Variants in ACSBG2 observed in about 807,000 individuals in gnomAD.
The protein encoded by ACSBG2 is long-chain-fatty-acid--CoA ligase ACSBG2.
In ACSBG2, 62 loss-of-function variants were observed where a neutral mutation model predicts 74.7. The ratio of observed to expected loss-of-function variants is 0.83; its 90% CI spans 0.68 to 1.03. ACSBG2 has a LOEUF of 1.03. ACSBG2 is among the 50% of genes least tolerant of loss of function. ACSBG2 has a pLI of 0.00. For synonymous variants in ACSBG2, 309 were observed against 294.1 expected (o/e 1.05, Z -0.52); for missense variants, 730 against 817.6 (o/e 0.89, Z 1.31).
intron 3 of ACSBG2, among the ~76,000 whole-genome samples, chr19:6,147,928 A>T (rs8112226): frequency 0.026 from 3,887 of 152,202 alleles, 162 homozygotes; most frequent in African/African-American, 0.086. Context: ...ATATATGCAA[A>T]TTTTTTACAC....
intron 3 of ACSBG2, among the ~76,000 whole-genome samples, chr19:6,148,071 T>C (rs962072902): frequency 6.6e-6 from 1 of 152,240 alleles, no homozygotes; most frequent in Admixed American, 6.5e-5. Flanking sequence ...CAAACATTTA[T>C]CATCTCACAG....
At chr19:6,166,385 T>C (rs967373234) in intron 7 of ACSBG2, among the ~76,000 whole-genome samples, 1 of 149,472 alleles carries the variant, frequency 6.7e-6, no homozygotes, top group African/African-American at 2.5e-5. Flanking sequence ...GGCGCAATCT[T>C]GGCTCACTGC....
chr19:6,186,555 GA>G (rs142228931), intron 11 of ACSBG2, among the ~76,000 whole-genome samples: 8 of 151,950 alleles, frequency 5.3e-5, no homozygotes, highest in Non-Finnish European at 1.0e-4. Context: ...TAGGTTTGAG[GA>G]AAAAAATAAA....
intron 5 of ACSBG2, 93 bp from the exon 6 acceptor site, chr19:6,161,122 G>A: frequency 2.1e-6 from 2 of 938,952 alleles, no homozygotes; most frequent in Non-Finnish European, 3.2e-6. Flanking sequence ...AGAGGCTAGA[G>A]TTGCTGGAGA....
intron 1 of ACSBG2, among the ~76,000 whole-genome samples, chr19:6,139,716 A>G (rs994757193): frequency 1.3e-5 from 2 of 152,164 alleles, no homozygotes; most frequent in Admixed American, 6.6e-5. Context: ...TTTGGCCTCC[A>G]CTTCCCCCAG....
chr19:6,166,298 GT>G (rs2089806348), intron 7 of ACSBG2, among the ~76,000 whole-genome samples: 1 of 148,038 alleles, frequency 6.8e-6, no homozygotes, highest in East Asian at 2.0e-4. Context: ...GTGTGTGTGT[GT>G]GTGTGTGTGT....
chr19:6,163,578 T>TA (rs1414013011), intron 6 of ACSBG2, among the ~76,000 whole-genome samples: 3 of 150,906 alleles, frequency 2.0e-5, no homozygotes, highest in African/African-American at 7.3e-5. Flanking sequence ...CCACCTCTAC[T>TA]AAAAATACAA....
rs957181679 is a variant in ACSBG2 at position 6,161,531 on chromosome 19, G to C, written c.588+236G>C. 1.1e-5 allele frequency: 5 copies of C among 446,604 alleles called. No homozygotes were observed. In the East Asian group the frequency reaches 1.9e-4, roughly 17 times the overall value. The allele number at this position is 446,604 out of a possible 1,614,324, so 27.7% of individuals were successfully genotyped here. A position where few individuals can be genotyped will look rare whatever the true frequency, so the allele number is the denominator to read the frequency against. On this transcript the variant is annotated intron_variant, in intron 6 of 14. Transcript: ENST00000588485. Reference sequence around the variant, plus strand: ...CAAAGGACGTGAAATGTGAGCAGAGGGAGGGGGTGTGACCTTACAAGGGAA... The same window carrying C: ...CAAAGGACGTGAAATGTGAGCAGAGCGAGGGGGTGTGACCTTACAAGGGAA...
chr19:6,190,808 T>TACAG lies in ACSBG2; in HGVS notation c.*35+119_*35+120insGACA. 7.5e-5 allele frequency: 29 copies of TACAG among 387,374 alleles called. 1 individual carries two copies. Among genetic ancestry groups the TACAG allele is most frequent in the East Asian group, 3.0e-4 (6 of 19,818 alleles). The allele number at this position is 387,374 out of a possible 1,614,324, so 24.0% of individuals were successfully genotyped here. On this transcript the variant is annotated intron_variant, in intron 14 of 14. Transcript: ENST00000588485. ...TGCAGAAAACACACACATACACACA[T>TACAG]ACATACACACACACACACACACACA...
chr19:6,158,292 C>T (rs1472666438), intron 5 of ACSBG2, among the ~76,000 whole-genome samples: 4 of 151,788 alleles, frequency 2.6e-5, no homozygotes, highest in Non-Finnish European at 5.9e-5. Flanking sequence ...CTCCTGACCT[C>T]GTGATCTGCC....
chr19:6,141,742 C>CT (rs1360977560), intron 2 of ACSBG2, 132 bp downstream of exon 2: 268 of 638,852 alleles, frequency 4.2e-4, no homozygotes, highest in East Asian at 7.2e-4. Flanking sequence ...ACCCCCCACC[C>CT]TTTTGTTTTG....
intron 1 of ACSBG2, among the ~76,000 whole-genome samples, chr19:6,137,811 C>A (rs888786918): frequency 6.6e-6 from 1 of 151,994 alleles, no homozygotes; most frequent in African/African-American, 2.4e-5. Flanking sequence ...CCGTGCCTGG[C>A]TAATTTTTGT....
In ACSBG2 at chr19:6,135,681, G is replaced by C. The variant is rs1483623986; in HGVS notation, c.-260G>C. Reference sequence around the variant, plus strand: ...TCTGGAAGGTTGAATGGGGTAGAAGGCCTGTTGTGGAGGGAAACCACCCAT... The same window carrying C: ...TCTGGAAGGTTGAATGGGGTAGAAGCCCTGTTGTGGAGGGAAACCACCCAT... On this transcript the variant is annotated 5_prime_UTR_variant, in exon 1 of 15. Transcript: ENST00000588485. 1 of 152,478 alleles carries C rather than the reference G, an allele frequency of 6.6e-6. No individual in the cohort carries two copies. The highest frequency in any genetic ancestry group is 2.1e-4 in the South Asian group (1 of 4,828). The allele number at this position is 152,478 out of a possible 1,614,324, so 9.4% of individuals were successfully genotyped here.
At chr19:6,153,235 G>C (rs1177472933) in intron 4 of ACSBG2, among the ~76,000 whole-genome samples, 1 of 152,038 alleles carries the variant, frequency 6.6e-6, no homozygotes, top group African/African-American at 2.4e-5. Flanking sequence ...GACAGAGCGA[G>C]ACTCCATCTC....
At chr19:6,186,254 G>A (rs2090404473) in intron 11 of ACSBG2, among the ~76,000 whole-genome samples, 1 of 152,146 alleles carries the variant, frequency 6.6e-6, no homozygotes, top group African/African-American at 2.4e-5. Context: ...CAAAACATGT[G>A]TCTCTGTTGT....
rs528244262 is a variant in ACSBG2, at chr19:6,149,357, C to A, written c.297+1682C>A. On this transcript the variant is annotated intron_variant, in intron 3 of 14. Coordinates refer to ENST00000588485, the MANE Select transcript of ACSBG2 (RefSeq NM_030924.5). ...CAGCAGATCATTGCCAGCCGTGATC[C>A]CGTATGACTAAAAGAGCCAACAACG... Among the ~76,000 whole-genome samples, 430 of 152,212 alleles carry A rather than the reference C, an allele frequency of 2.8e-3. 2 individuals carry two copies. The highest frequency in any genetic ancestry group is 3.9e-3 in the Non-Finnish European group (266 of 68,016).
At chr19:6,142,384 C>T (rs1413516291) in intron 2 of ACSBG2, among the ~76,000 whole-genome samples, 1 of 152,070 alleles carries the variant, frequency 6.6e-6, no homozygotes, top group Non-Finnish European at 1.5e-5. Context: ...CCCCAAACGC[C>T]GGTGGGACCT....
At chr19:6,164,831 C>T (rs2089744583) in intron 6 of ACSBG2, among the ~76,000 whole-genome samples, 1 of 152,190 alleles carries the variant, frequency 6.6e-6, no homozygotes, top group African/African-American at 2.4e-5. Flanking sequence ...TCAGTCGATA[C>T]AACCCAAGAG....
intron 2 of ACSBG2, among the ~76,000 whole-genome samples, chr19:6,145,429 C>CA (rs34273390): frequency 0.023 from 2,976 of 127,306 alleles, 115 homozygotes; most frequent in African/African-American, 0.081. Flanking sequence ...GACTCCATCT[C>CA]AAAAAAAAAA....
Sources: allele counts gnomAD v4.1 joint callset (sites outside exome capture counted in the v4.1 genomes callset), GRCh38; gene constraint gnomAD v4.1.1; transcripts MANE v1.5; gene names NCBI Gene and HGNC (gene_info 2026-07-23, HGNC 2026-07-21).